Variants in SPTA1 observed in about 807,000 individuals in gnomAD.
The protein encoded by SPTA1 is spectrin alpha chain, erythrocytic 1.
In SPTA1, 177 loss-of-function variants were observed where a neutral mutation model predicts 324.7. That is an observed-to-expected ratio of 0.55 (90% CI 0.48 to 0.62). The LOEUF (loss-of-function observed/expected upper bound fraction) is 0.62, where lower values mean the gene tolerates loss of function less well. SPTA1 is among the 20% of genes least tolerant of loss of function. The pLI, the probability that SPTA1 is intolerant of heterozygous loss-of-function variation, is 0.00. For synonymous variants in SPTA1, 1,195 were observed against 1,041.3 expected, an observed-to-expected ratio of 1.15 and a Z score of -2.84; for missense variants, 3,162 against 2,883.6, an observed-to-expected ratio of 1.10 and a Z score of -2.21.
At chr1:158,645,776 T>C (rs1261529986) in intron 27 of SPTA1, among the ~76,000 whole-genome samples, 182 bp from the exon 28 acceptor site, 1 of 152,226 alleles carries the variant, frequency 6.6e-6, no homozygotes, top group African/African-American at 2.4e-5. Context: ...TAACAATCCC[T>C]TGTATTTGAA....
chr1:158,685,406 G>A lies in SPTA1; in HGVS notation c.25-59C>T, dbSNP rs116802150. ...TCTCAAATATTTAACATGTTGCCCC[G>A]CTTATATGTGTCAAGGTGTTTACTC... On this transcript the variant is annotated intron_variant, in intron 1 of 51. Transcript: ENST00000643759. 211 of 1,601,132 alleles carry A rather than the reference G, an allele frequency of 1.3e-4. 1 individual carries two copies. In the African/African-American group the frequency reaches 2.4e-3, roughly 18 times the overall value.
Position 158,667,992 on chromosome 1 carries a change from G to A in SPTA1, c.1904C>T (p.Thr635Ile), listed in dbSNP as rs751943864. 1 of 1,613,202 alleles carries A rather than the reference G, an allele frequency of 6.2e-7. No homozygotes were observed. Among genetic ancestry groups the A allele is most frequent in the Non-Finnish European group, 8.5e-7 (1 of 1,179,912 alleles). The change falls in exon 15 of 52, where the codon ACC becomes ATC. Residue 635 changes from threonine to isoleucine, a missense_variant. Thr to Ile is a moderately conservative substitution (Grantham distance 89, BLOSUM62 -1). Coordinates refer to ENST00000643759, the MANE Select transcript of SPTA1 (RefSeq NM_003126.4). ...VFEKELAVNK[T>I]QLENIQKTGQ... ...AGTTTTCTGTATGTTTTCCAGCTGG[G>A]TCTTATTAACTGCCAACTCCTTTTC...
Position 158,636,598 on chromosome 1 carries a change from T to C in SPTA1, c.5310+43A>G, listed in dbSNP as rs1205758179. 8.1e-6 allele frequency: 13 copies of C among 1,609,566 alleles called. No individual in the cohort carries two copies. The African/African-American group carries it at 1.3e-4, about 17-fold the overall frequency. On this transcript the variant is annotated intron_variant, in intron 37 of 51. Transcript: ENST00000643759. ...TTATCTGTAACACAAGGGGTTGCTATAGGATGATTTCTATATTTTCAGATC... is the reference window on the plus strand; with the variant it reads ...TTATCTGTAACACAAGGGGTTGCTACAGGATGATTTCTATATTTTCAGATC...
rs745684273 is a variant in SPTA1 at position 158,611,405 on chromosome 1, A to G, written c.7135-16T>C. 3.5e-5 allele frequency: 56 copies of G among 1,613,044 alleles called. No homozygotes were observed. Among genetic ancestry groups the G allele is most frequent in the Non-Finnish European group, 4.7e-5 (56 of 1,179,372 alleles). ...GGGTAAGGGCCTGAAAAGTATAAAA[A>G]GAGAAAAATACAGTTATAGGGATTC... On this transcript the variant is annotated splice_polypyrimidine_tract_variant and intron_variant, in intron 51 of 51. Coordinates refer to ENST00000643759, the MANE Select transcript of SPTA1 (RefSeq NM_003126.4).
In SPTA1 at chr1:158,626,138, A is replaced by G; in HGVS notation, c.5910+8T>C. ...GTCTTGGGCTTACCTAACATCTATC[A>G]ATCTCACCTGTTTTGCCAGAAGAGT... is the stretch of plus-strand genomic sequence containing the variant. On this transcript the variant is annotated splice_region_variant and intron_variant, in intron 42 of 51. Transcript: ENST00000643759. 2 of 1,613,002 alleles carry G rather than the reference A, an allele frequency of 1.2e-6. No homozygotes were observed. The highest frequency in any genetic ancestry group is 1.3e-5 in the African/African-American group (1 of 75,032).
rs1177353050 is a variant in SPTA1 at position 158,659,595 on chromosome 1, A to ATTTTTTTTTTTTTTTTT, written c.2587+1675_2587+1691dup. 9.9e-4 allele frequency among the ~76,000 whole-genome samples: 68 copies of ATTTTTTTTTTTTTTTTT among 68,772 alleles called. 10 individuals carry two copies. The highest frequency in any genetic ancestry group is 2.6e-3 in the Admixed American group (13 of 5,044). 45.1% of individuals were successfully genotyped at this position (68,772 alleles called of 152,430 possible). On this transcript the variant is annotated intron_variant, in intron 18 of 51. Transcript: ENST00000643759. ...AAAAGAAAATAATAGTCTTAGCATT[A>ATTTTTTTTTTTTTTTTT]TTTTTTTTTTTTTTTTTTTTTTTTT... is the stretch of plus-strand genomic sequence containing the variant.
chr1:158,657,464 A>ACCC lies in SPTA1; in HGVS notation c.2805+10_2805+12dup. 1 of 1,104,844 alleles carries ACCC rather than the reference A, an allele frequency of 9.1e-7. No homozygotes were observed. The highest frequency in any genetic ancestry group is 1.4e-6 in the Non-Finnish European group (1 of 725,428). The allele number at this position is 1,104,844 out of a possible 1,614,324, so 68.4% of individuals were successfully genotyped here. A position where few individuals can be genotyped will look rare whatever the true frequency, so the allele number is the denominator to read the frequency against. On this transcript the variant is annotated intron_variant, in intron 19 of 51. Coordinates refer to ENST00000643759, the MANE Select transcript of SPTA1 (RefSeq NM_003126.4). ...GTTGAGGATTCACAATGTTAAACCCACCCCCACCTTACCCCAGCTGCTTCT... is the reference window on the plus strand; with the variant it reads ...GTTGAGGATTCACAATGTTAAACCCACCCCCCCCACCTTACCCCAGCTGCTTCT...
At chr1:158,619,386 C>T in intron 44 of SPTA1, 52 bp from the exon 45 acceptor site, 1 of 1,570,898 alleles carries the variant, frequency 6.4e-7, no homozygotes, top group Non-Finnish European at 8.8e-7. Flanking sequence ...CCTTTCTTTG[C>T]CATAAGAGAA....
rs753136947 is a variant in SPTA1, at chr1:158,627,604, G to A, written c.5664+21C>T. ...CTTTTGGAGAATGGAAGTTTGAGCT[G>A]GAATTCCTGAACTAGCTCACCTTAT... is the stretch of plus-strand genomic sequence containing the variant. On this transcript the variant is annotated intron_variant, in intron 40 of 51. Transcript: ENST00000643759. The A allele has an allele frequency of 3.7e-6, 6 of 1,609,410 alleles. No individual in the cohort carries two copies. In the Admixed American group the frequency reaches 6.7e-5, roughly 18 times the overall value.
intron 12 of SPTA1, 33 bp downstream of exon 12, chr1:158,671,310 G>T: frequency 6.6e-7 from 1 of 1,515,262 alleles, no homozygotes; most frequent in South Asian, 1.1e-5. Flanking sequence ...TACAGAGAGG[G>T]AGCCAATGCC....
At chr1:158,674,451 G>A (rs1168914758) in intron 9 of SPTA1, 21 bp from the exon 10 acceptor site, 5 of 1,613,952 alleles carry the variant, frequency 3.1e-6, no homozygotes, top group Non-Finnish European at 4.2e-6. Flanking sequence ...AAAACAAAGT[G>A]TCTCAAAATG....
In SPTA1 at chr1:158,644,307, A is replaced by G; in HGVS notation, c.4284T>C (p.Ser1428=). Residue 1428 remains serine, a synonymous_variant, in exon 30 of 52, where the codon AGT becomes AGC. Transcript: ENST00000643759. ...LRSDDKSSLD[S]LEALMKKRDD... is the part of the protein sequence containing the mutation. ...CCCGTTTCTTCATCAAAGCCTCCAG[A>G]CTGTCTAAGGAACTTTTGTCATCTG... The G allele has an allele frequency of 6.2e-7, 1 of 1,613,938 alleles. No homozygotes were observed. The highest frequency in any genetic ancestry group is 1.1e-5 in the South Asian group (1 of 91,090).
intron 47 of SPTA1, among the ~76,000 whole-genome samples, chr1:158,616,382 C>A (rs1557920497): frequency 6.6e-6 from 1 of 152,106 alleles, no homozygotes; most frequent in Non-Finnish European, 1.5e-5. Flanking sequence ...ACCCAATAAT[C>A]AACCTCTCTT....
chr1:158,641,918 C>T (rs893708428), intron 33 of SPTA1, among the ~76,000 whole-genome samples: 1 of 152,160 alleles, frequency 6.6e-6, no homozygotes, highest in Non-Finnish European at 1.5e-5. Context: ...CCCAAATGTC[C>T]CACAATGGTA....
chr1:158,654,779 A>G (rs1652707359), intron 20 of SPTA1, 31 bp from the exon 21 acceptor site: 2 of 1,611,508 alleles, frequency 1.2e-6, no homozygotes, highest in African/African-American at 2.7e-5. Flanking sequence ...GGTGTCAGTC[A>G]CGCACTGGAA....
At chr1:158,637,060 A>T (rs962571294) in intron 36 of SPTA1, among the ~76,000 whole-genome samples, 2 of 152,204 alleles carry the variant, frequency 1.3e-5, no homozygotes, top group Admixed American at 6.5e-5. Flanking sequence ...TTGCTCAAGA[A>T]TACACACTAA....
In SPTA1 at chr1:158,645,328, T is replaced by A. The variant is rs765133650; in HGVS notation, c.4054A>T (p.Ser1352Cys). ...TGCCCACTGTCGATAAGTTCTGCACTGAAGTCCTCTAAGGCCTGGAAGGTG... is the reference window on the plus strand; with the variant it reads ...TGCCCACTGTCGATAAGTTCTGCACAGAAGTCCTCTAAGGCCTGGAAGGTG... ...APTFQALEDFSAELIDSGHHA... is the reference protein window; with the variant it reads ...APTFQALEDFCAELIDSGHHA... The change falls in exon 29 of 52, where the codon AGT (serine) becomes TGT (cysteine). Residue 1352 changes from serine to cysteine, a missense_variant. By Grantham distance (112) the Ser-to-Cys change is moderately radical (BLOSUM62 -1). Transcript: ENST00000643759. 6.2e-7 allele frequency: 1 copy of A among 1,614,070 alleles called. No homozygotes were observed. Among genetic ancestry groups the A allele is most frequent in the Admixed American group, 1.7e-5 (1 of 59,976 alleles).
chr1:158,637,218 T>C (rs1651149994), intron 36 of SPTA1, among the ~76,000 whole-genome samples: 1 of 152,182 alleles, frequency 6.6e-6, no homozygotes, highest in Admixed American at 6.5e-5. Context: ...TGCTTCCAAG[T>C]GCAAAAGGTT....
In SPTA1 at chr1:158,678,699, T is replaced by C. The variant is rs78114004; in HGVS notation, c.679-165A>G. On this transcript the variant is annotated intron_variant, in intron 5 of 51. Transcript: ENST00000643759. ...CATAGCCCTCCTCCCTAGCTCCAAC[T>C]TGATGCACACTACCAAAACCTAGAA... 0.025 allele frequency among the ~76,000 whole-genome samples: 3,843 copies of C among 152,224 alleles called. 159 individuals are homozygous for C. The highest frequency in any genetic ancestry group is 0.087 in the African/African-American group (3,600 of 41,532).
Sources: gnomAD v4.1 joint callset for allele counts (sites outside exome capture counted in the v4.1 genomes callset) on GRCh38, gnomAD v4.1.1 for gene constraint, MANE v1.5 for transcripts, NCBI Gene and HGNC (gene_info 2026-07-23, HGNC 2026-07-21) for gene names.